Variants in MCF2L2 observed in about 807,000 individuals in gnomAD.
The protein encoded by MCF2L2 is probable guanine nucleotide exchange factor MCF2L2.
A neutral mutation model predicts 150.2 loss-of-function variants in MCF2L2; 102 were observed. The observed-to-expected ratio is 0.68, with a 90% confidence interval of 0.58 to 0.80. MCF2L2 has a LOEUF of 0.80. MCF2L2 is among the 30% of genes least tolerant of loss of function. MCF2L2 has a pLI of 0.00. For missense variants in MCF2L2, 1,256 were observed against 1,372.8 expected (o/e 0.91, Z 1.34); for synonymous variants, 465 against 491.3 (o/e 0.95, Z 0.71).
chr3:183,300,445 G>A (rs1484420286), intron 10 of MCF2L2, among the ~76,000 whole-genome samples: 1 of 152,190 alleles, frequency 6.6e-6, no homozygotes, highest in African/African-American at 2.4e-5. Context: ...GCTAGACATC[G>A]AGGATATAGT....
At chr3:183,306,468 T>C (rs1011986762) in intron 10 of MCF2L2, among the ~76,000 whole-genome samples, 15 of 152,238 alleles carry the variant, frequency 9.9e-5, no homozygotes, top group South Asian at 4.1e-4. Context: ...GAAATCTTTA[T>C]TGAAATAAGT....
At chr3:183,392,368 T>C (rs1254381801) in intron 1 of MCF2L2, among the ~76,000 whole-genome samples, 1 of 152,158 alleles carries the variant, frequency 6.6e-6, no homozygotes, top group African/African-American at 2.4e-5. Context: ...CCCTTGGCCT[T>C]GAGTTGCAAA....
intron 13 of MCF2L2, among the ~76,000 whole-genome samples, chr3:183,292,844 G>C (rs1435087987): frequency 6.6e-6 from 1 of 151,912 alleles, no homozygotes. Context: ...TCCCCAGTCT[G>C]GTGAAAAACA....
At chr3:183,393,800 C>T (rs1214336150) in intron 1 of MCF2L2, among the ~76,000 whole-genome samples, 3 of 152,222 alleles carry the variant, frequency 2.0e-5, no homozygotes, top group Non-Finnish European at 4.4e-5. Flanking sequence ...GCTGAGAGAG[C>T]AGCATGCGCT....
intron 22 of MCF2L2, among the ~76,000 whole-genome samples, chr3:183,212,972 G>A (rs1456077895): frequency 1.6e-5 from 2 of 123,054 alleles, no homozygotes; most frequent in African/African-American, 3.0e-5. Flanking sequence ...GGGTGGGGGG[G>A]TGGGGAATGA....
intron 15 of MCF2L2, among the ~76,000 whole-genome samples, chr3:183,274,992 T>G (rs1560396112): frequency 6.6e-6 from 1 of 152,064 alleles, no homozygotes; most frequent in East Asian, 1.9e-4. Flanking sequence ...ACTGCCACTA[T>G]TATCTATCAC....
chr3:183,354,179 C>T (rs1384372278), intron 3 of MCF2L2, among the ~76,000 whole-genome samples: 1 of 152,142 alleles, frequency 6.6e-6, no homozygotes, highest in Non-Finnish European at 1.5e-5. Flanking sequence ...AATAAGATGC[C>T]AAGTTCCAAC....
intron 15 of MCF2L2, among the ~76,000 whole-genome samples, chr3:183,262,579 T>C (rs1280807863): frequency 6.6e-6 from 1 of 151,922 alleles, no homozygotes; most frequent in Non-Finnish European, 1.5e-5. Context: ...CCGATCAGTA[T>C]GTTTTATAGA....
chr3:183,366,075 C>T (rs185912491), intron 3 of MCF2L2, among the ~76,000 whole-genome samples: 1 of 152,136 alleles, frequency 6.6e-6, no homozygotes, highest in Admixed American at 6.5e-5. Context: ...GAAAAGAATT[C>T]TAAGCCTAAG....
At chr3:183,261,685 C>T (rs1302113372) in intron 15 of MCF2L2, among the ~76,000 whole-genome samples, 1 of 151,898 alleles carries the variant, frequency 6.6e-6, no homozygotes, top group African/African-American at 2.4e-5. Flanking sequence ...GGTTTCACTA[C>T]AGTATTTTAT....
At chr3:183,418,684 T>C (rs1715720275) in intron 1 of MCF2L2, among the ~76,000 whole-genome samples, 1 of 152,176 alleles carries the variant, frequency 6.6e-6, no homozygotes, top group South Asian at 2.1e-4. Flanking sequence ...CATTAAATAT[T>C]AAAGATCCAA....
rs1011299036 is a variant in MCF2L2, at chr3:183,178,216, C to A, written c.*1164G>T. 1.3e-5 allele frequency: 2 copies of A among 152,222 alleles called. No individual in the cohort carries two copies. Among genetic ancestry groups the A allele is most frequent in the Admixed American group, 1.3e-4 (2 of 15,286 alleles). The allele number at this position is 152,222 out of a possible 1,614,324, so 9.4% of individuals were successfully genotyped here. ...GCGCGGTGGCTCACGCCTGTAATCC[C>A]AGCACTTTGGGAGGCCGAGGCAGGG... On this transcript the variant is annotated 3_prime_UTR_variant, in exon 30 of 30. Coordinates refer to ENST00000328913, the MANE Select transcript of MCF2L2 (RefSeq NM_015078.4).
chr3:183,295,961 T>TAAAC (rs138934079), intron 12 of MCF2L2, among the ~76,000 whole-genome samples: 3,348 of 152,036 alleles, frequency 0.022, 69 homozygotes, highest in East Asian at 0.051. Context: ...ATCTCAGAAA[T>TAAAC]AAACAAACAA....
chr3:183,301,372 G>A (rs1203941962), intron 10 of MCF2L2, among the ~76,000 whole-genome samples: 1 of 152,094 alleles, frequency 6.6e-6, no homozygotes, highest in African/African-American at 2.4e-5. Context: ...AGACAGTGAT[G>A]AGTATGTGGA....
chr3:183,245,886 C>T (rs1175611730), intron 15 of MCF2L2, among the ~76,000 whole-genome samples: 1 of 152,192 alleles, frequency 6.6e-6, no homozygotes, highest in Non-Finnish European at 1.5e-5. Context: ...TCCTTCTTCT[C>T]TGCTTTGTAT....
intron 27 of MCF2L2, among the ~76,000 whole-genome samples, chr3:183,191,415 T>C (rs958953321): frequency 1.3e-5 from 2 of 152,202 alleles, no homozygotes; most frequent in Non-Finnish European, 2.9e-5. Context: ...CTAGACACTT[T>C]TATAATGACA....
chr3:183,228,241 C>T (rs552922816), intron 18 of MCF2L2, 56 bp downstream of exon 18: 49 of 1,356,322 alleles, frequency 3.6e-5, no homozygotes, highest in Admixed American at 1.5e-4. Context: ...TGCCACTTAA[C>T]GCAGAAATGT....
At chr3:183,390,276 T>A (rs1714066814) in intron 1 of MCF2L2, among the ~76,000 whole-genome samples, 1 of 152,138 alleles carries the variant, frequency 6.6e-6, no homozygotes, top group Admixed American at 6.5e-5. Flanking sequence ...CTTATCTCCA[T>A]TCCTTTTTTT....
chr3:183,317,353 G>A (rs936172696), intron 7 of MCF2L2, among the ~76,000 whole-genome samples: 7 of 152,082 alleles, frequency 4.6e-5, no homozygotes, highest in South Asian at 2.1e-4. Context: ...TAATGGGTTC[G>A]TTCTGTTTGT....
Sources: allele counts gnomAD v4.1 joint callset (sites outside exome capture counted in the v4.1 genomes callset), GRCh38; gene constraint gnomAD v4.1.1; transcripts MANE v1.5; gene names NCBI Gene and HGNC (gene_info 2026-07-23, HGNC 2026-07-21).